The following THEMIS variants were observed in gnomAD, a reference collection of about 807,000 sequenced individuals.
THEMIS encodes protein THEMIS.
THEMIS carries 37 observed loss-of-function variants against 52.6 expected under a neutral mutation model. The observed-to-expected ratio is 0.70, with a 90% CI of 0.54 to 0.93. THEMIS has a LOEUF of 0.93. THEMIS is among the 40% of genes least tolerant of loss of function. The pLI, the probability that THEMIS is intolerant of heterozygous loss-of-function variation, is 0.00. For synonymous variants in THEMIS, 292 were observed against 272.7 expected (o/e 1.07, Z -0.70); for missense variants, 808 against 763.1 (o/e 1.06, Z -0.69).
chr6:127,827,997 T>C (rs1391279461), intron 3 of THEMIS, among the ~76,000 whole-genome samples: 30 of 152,238 alleles, frequency 2.0e-4, no homozygotes, highest in Non-Finnish European at 2.5e-4. Context: ...AGAGCTCCCA[T>C]CCCTTCCTCA....
chr6:127,805,822 A>G (rs992721041), intron 4 of THEMIS, among the ~76,000 whole-genome samples: 6 of 152,176 alleles, frequency 3.9e-5, no homozygotes, highest in South Asian at 2.1e-4. Flanking sequence ...TGTGTTATCA[A>G]TTTATTTTTA....
At chr6:127,911,359 T>C (rs1349233079) in intron 1 of THEMIS, among the ~76,000 whole-genome samples, 1 of 150,974 alleles carries the variant, frequency 6.6e-6, no homozygotes, top group South Asian at 2.1e-4. Flanking sequence ...CATTTATTTA[T>C]TTATTTATTT....
intron 2 of THEMIS, among the ~76,000 whole-genome samples, chr6:127,843,307 C>T (rs1389455725): frequency 6.6e-6 from 1 of 151,224 alleles, no homozygotes; most frequent in Non-Finnish European, 1.5e-5. Context: ...GCAAGAAGTG[C>T]TTCAGAACAC....
intron 2 of THEMIS, among the ~76,000 whole-genome samples, chr6:127,835,997 G>A (rs1002702541): frequency 5.9e-5 from 9 of 152,116 alleles, no homozygotes; most frequent in South Asian, 4.1e-4. Context: ...TATGCTGCTC[G>A]TTGTTATTCA....
chr6:127,860,266 A>G (rs957288173), intron 1 of THEMIS, among the ~76,000 whole-genome samples: 1 of 152,124 alleles, frequency 6.6e-6, no homozygotes, highest in African/African-American at 2.4e-5. Flanking sequence ...GGGTACATAT[A>G]AGTAGACACG....
chr6:127,829,454 A>T, intron 3 of THEMIS, 22 bp downstream of exon 3: 1 of 1,561,314 alleles, frequency 6.4e-7, no homozygotes, highest in East Asian at 2.2e-5. Context: ...CTCATAGAAC[A>T]TCATTCTCAG....
Position 127,716,344 on chromosome 6 carries a change from A to C in THEMIS, c.1894+3344T>G, listed in dbSNP as rs569210285. Among the ~76,000 whole-genome samples the C allele has an allele frequency of 2.0e-5, 3 of 152,000 alleles. No homozygotes were observed. In the South Asian group the frequency reaches 6.2e-4, roughly 32 times the overall value. On this transcript the variant is annotated intron_variant, in intron 5 of 5. Transcript: ENST00000368248. ...GCAATTAATGAGTGACCCACATAAT[A>C]ATCAGATCCTCCTCAGAACTAAATA...
intron 1 of THEMIS, among the ~76,000 whole-genome samples, chr6:127,914,048 T>C (rs1781467812): frequency 6.6e-6 from 1 of 152,180 alleles, no homozygotes. Context: ...GGGGCCCAAG[T>C]TTAAATACAA....
At chr6:127,838,882 T>C (rs1393660439) in intron 2 of THEMIS, among the ~76,000 whole-genome samples, 4 of 152,140 alleles carry the variant, frequency 2.6e-5, no homozygotes, top group Non-Finnish European at 1.5e-5. Context: ...AAAACATTGC[T>C]GTGACGCTTC....
chr6:127,915,586 A>AAGAGAGAGAAAGAG (rs1781505994), intron 1 of THEMIS, among the ~76,000 whole-genome samples: 1 of 140,326 alleles, frequency 7.1e-6, no homozygotes, highest in Non-Finnish European at 1.5e-5. Flanking sequence ...GTCAGAGAGA[A>AAGAGAGAGAAAGAG]AGAGAGAGAG....
At chr6:127,716,608 G>T (rs1314171881) in intron 5 of THEMIS, among the ~76,000 whole-genome samples, 1 of 151,864 alleles carries the variant, frequency 6.6e-6, no homozygotes, top group African/African-American at 2.4e-5. Context: ...TTTTCCCTCT[G>T]CCCAGACCTG....
intron 3 of THEMIS, among the ~76,000 whole-genome samples, chr6:127,816,130 C>A (rs1246697098): frequency 6.6e-6 from 1 of 152,088 alleles, no homozygotes; most frequent in Non-Finnish European, 1.5e-5. Context: ...GTGGATTAGA[C>A]TCCCTCCTCT....
intron 2 of THEMIS, among the ~76,000 whole-genome samples, chr6:127,844,908 A>G (rs1366799128): frequency 1.3e-5 from 2 of 151,890 alleles, no homozygotes; most frequent in Non-Finnish European, 2.9e-5. Context: ...TGTTTCATTC[A>G]TTACTGAAAT....
In THEMIS at chr6:127,850,874, A is replaced by C. The variant is rs9398855; in HGVS notation, c.250+4156T>G. ...TAATCAAAAACTACTTGTAACCCTG[A>C]ATCTATGGAAATAATAATAATAATA... is the stretch of plus-strand genomic sequence containing the variant. On this transcript the variant is annotated intron_variant, in intron 2 of 5. Transcript: ENST00000368248. Among the ~76,000 whole-genome samples, 5,027 of 151,742 alleles carry C rather than the reference A, an allele frequency of 0.033. 669 individuals carry two copies. In the East Asian group the frequency reaches 0.41, roughly 12 times the overall value.
At chr6:127,731,236 T>C (rs1226965359) in intron 4 of THEMIS, among the ~76,000 whole-genome samples, 1 of 152,242 alleles carries the variant, frequency 6.6e-6, no homozygotes, top group Non-Finnish European at 1.5e-5. Context: ...TATCAGTGGT[T>C]GTACTTACTT....
chr6:127,899,796 A>G (rs528291308), intron 1 of THEMIS, among the ~76,000 whole-genome samples: 4 of 151,344 alleles, frequency 2.6e-5, no homozygotes, highest in Non-Finnish European at 4.4e-5. Context: ...ACGGCAAAAC[A>G]TAGTCTGATT....
intron 5 of THEMIS, among the ~76,000 whole-genome samples, chr6:127,716,716 C>G (rs955791394): frequency 2.0e-5 from 3 of 151,794 alleles, no homozygotes; most frequent in African/African-American, 7.3e-5. Flanking sequence ...ACAAATAGTT[C>G]AATGAAAACA....
chr6:127,841,981 A>C lies in THEMIS; in HGVS notation c.251-12047T>G, dbSNP rs140196635. ...TTGGATAGCGAATTATCTAAAAGGC[A>C]GGAGCTCTATTTAGGGCTGCTCTGA... On this transcript the variant is annotated intron_variant, in intron 2 of 5. Transcript: ENST00000368248. Among the ~76,000 whole-genome samples, 840 of 152,156 alleles carry C rather than the reference A, an allele frequency of 5.5e-3. 7 individuals are homozygous for C. Among genetic ancestry groups the C allele is most frequent in the African/African-American group, 0.019 (778 of 41,542 alleles).
chr6:127,890,598 C>A (rs2114468575), intron 1 of THEMIS, among the ~76,000 whole-genome samples: 1 of 151,900 alleles, frequency 6.6e-6, no homozygotes, highest in African/African-American at 2.4e-5. Context: ...TGGAATAGTC[C>A]CAAAACAAAG....
Sources: allele counts gnomAD v4.1 joint callset (sites outside exome capture counted in the v4.1 genomes callset), GRCh38; gene constraint gnomAD v4.1.1; transcripts MANE v1.5; gene names NCBI Gene and HGNC (gene_info 2026-07-23, HGNC 2026-07-21).